The following MYO1H variants were observed in gnomAD, a reference collection of about 807,000 sequenced individuals.
The protein encoded by MYO1H is unconventional myosin-Ih.
In MYO1H, 118 loss-of-function variants were observed where a neutral mutation model predicts 149.3. That is an observed-to-expected ratio of 0.79 (90% CI 0.68 to 0.92). The LOEUF is 0.92. Ranked by LOEUF, MYO1H falls within the 40% of genes least tolerant of loss-of-function variation. MYO1H has a pLI of 0.00. For synonymous variants in MYO1H, 447 were observed against 465.2 expected (o/e 0.96, Z 0.50); for missense variants, 1,212 against 1,280.7 (o/e 0.95, Z 0.82).
At chr12:109,354,833 A>G (rs1232042273) in intron 1 of MYO1H, among the ~76,000 whole-genome samples, 3 of 152,168 alleles carry the variant, frequency 2.0e-5, no homozygotes, top group African/African-American at 7.2e-5. Flanking sequence ...AATCTTAGGG[A>G]CTAGCAGTAT....
At chr12:109,396,820 T>TG (rs1317353555) in intron 4 of MYO1H, among the ~76,000 whole-genome samples, 42 of 119,874 alleles carry the variant, frequency 3.5e-4, no homozygotes, top group African/African-American at 1.2e-3. Context: ...TTTCGTTTTT[T>TG]TTTTTTTTTT....
the MYO1H span, among the ~76,000 whole-genome samples, chr12:109,315,116 A>G: frequency 6.6e-6 from 1 of 152,080 alleles, no homozygotes; most frequent in Non-Finnish European, 1.5e-5. Flanking sequence ...ATAAAATAAA[A>G]AATATTCAGG....
intron 31 of MYO1H, chr12:109,445,971 T>G (rs766797558): frequency 1.3e-5 from 13 of 985,324 alleles, no homozygotes; most frequent in Non-Finnish European, 1.6e-5. Flanking sequence ...AATGCGCTTG[T>G]GTCCCACCCA....
intron 1 of MYO1H, among the ~76,000 whole-genome samples, chr12:109,368,584 A>T (rs969486237): frequency 7.2e-6 from 1 of 138,750 alleles, no homozygotes; most frequent in South Asian, 2.5e-4. Context: ...TGAACCCGAG[A>T]GGTGGAGGTT....
chr12:109,324,776 C>T, the MYO1H span, among the ~76,000 whole-genome samples: 1 of 151,672 alleles, frequency 6.6e-6, no homozygotes, highest in Non-Finnish European at 1.5e-5. Flanking sequence ...AATAGGTATA[C>T]ATGTGCCATG....
intron 18 of MYO1H, among the ~76,000 whole-genome samples, chr12:109,426,401 C>G (rs780684675): frequency 6.6e-6 from 1 of 152,158 alleles, no homozygotes; most frequent in Non-Finnish European, 1.5e-5. Context: ...TGGAACATGT[C>G]TGTAGTCCCA....
intron 15 of MYO1H, among the ~76,000 whole-genome samples, chr12:109,417,495 T>C (rs188819609): frequency 6.6e-6 from 1 of 151,770 alleles, no homozygotes; most frequent in Non-Finnish European, 1.5e-5. Context: ...ACCTGGATAA[T>C]TTTTTGCATT....
At chr12:109,415,569 A>G (rs1255158916) in exon 15 of MYO1H, 2 of 1,607,888 alleles carry the variant, frequency 1.2e-6, no homozygotes, top group Non-Finnish European at 1.7e-6. Flanking sequence ...GATTGGCTGG[A>G]TGGAGTTCCG....
chr12:109,419,441 T>C (rs1038139370), intron 15 of MYO1H, among the ~76,000 whole-genome samples: 8 of 152,196 alleles, frequency 5.3e-5, no homozygotes, highest in Non-Finnish European at 1.0e-4. Flanking sequence ...AATAATCTCA[T>C]GGTATATTAT....
At chr12:109,392,841 C>T (rs555589063) in intron 2 of MYO1H, among the ~76,000 whole-genome samples, 4 of 151,828 alleles carry the variant, frequency 2.6e-5, no homozygotes, top group Non-Finnish European at 4.4e-5. Context: ...GTCAGAGTCT[C>T]GCTCTGTCAC....
the MYO1H span, among the ~76,000 whole-genome samples, chr12:109,314,480 C>T: frequency 6.6e-6 from 1 of 152,162 alleles, no homozygotes; most frequent in African/African-American, 2.4e-5. Context: ...ACCACCCATT[C>T]CCTGCTGCTA....
chr12:109,421,128 A>C, intron 16 of MYO1H, 101 bp downstream of exon 16: 1 of 722,418 alleles, frequency 1.4e-6, no homozygotes, highest in Non-Finnish European at 2.3e-6. Flanking sequence ...TTTTTTTTCC[A>C]TGCATCGTAT....
rs148910601 is a variant in MYO1H, at chr12:109,442,961, G to A, written c.2689-553G>A. On this transcript the variant is annotated intron_variant, in intron 27 of 31. Coordinates refer to ENST00000310903, the Ensembl canonical transcript of MYO1H. Reference sequence around the variant, plus strand: ...TCAGAGGGCAACGCAGGTAGGCAGAGCTAGGGATCCAAATCCCCATCATGC... The same window carrying A: ...TCAGAGGGCAACGCAGGTAGGCAGAACTAGGGATCCAAATCCCCATCATGC... 8.9e-4 allele frequency among the ~76,000 whole-genome samples: 132 copies of A among 148,194 alleles called. 1 individual carries two copies. Among genetic ancestry groups the A allele is most frequent in the East Asian group, 5.3e-3 (27 of 5,050 alleles).
At chr12:109,443,740 T>TCTA in intron 28 of MYO1H, 91 bp downstream of exon 28, 1 of 1,476,856 alleles carries the variant, frequency 6.8e-7, no homozygotes, top group South Asian at 1.2e-5. Flanking sequence ...GAAACACAAG[T>TCTA]GTAGGGTGCC....
chr12:109,338,808 T>G, the MYO1H span, among the ~76,000 whole-genome samples: 1 of 151,250 alleles, frequency 6.6e-6, no homozygotes, highest in Non-Finnish European at 1.5e-5. Flanking sequence ...CCTTGCTTTC[T>G]GCTTCATTTT....
intron 6 of MYO1H, among the ~76,000 whole-genome samples, chr12:109,403,083 A>G (rs990807851): frequency 1.3e-5 from 2 of 152,180 alleles, no homozygotes; most frequent in Admixed American, 6.6e-5. Context: ...ACTGCTTTCA[A>G]ACCAACAGGT....
At chr12:109,336,534 A>G in the MYO1H span, among the ~76,000 whole-genome samples, 1 of 152,192 alleles carries the variant, frequency 6.6e-6, no homozygotes, top group Non-Finnish European at 1.5e-5. Context: ...GGTTATTCTT[A>G]GGCAGATTCT....
exon 14 of MYO1H, chr12:109,411,964 G>C: frequency 6.2e-7 from 1 of 1,600,488 alleles, no homozygotes; most frequent in Non-Finnish European, 8.5e-7. Flanking sequence ...GAGAAAGTGG[G>C]CAAACATGCA....
exon 2 of MYO1H, chr12:109,388,739 C>G (rs1022218402): frequency 2.5e-6 from 4 of 1,611,120 alleles, no homozygotes; most frequent in Non-Finnish European, 3.4e-6. Flanking sequence ...CGCTGACTGC[C>G]CGGGACAAGG....
Sources: allele counts gnomAD v4.1 joint callset (sites outside exome capture counted in the v4.1 genomes callset), GRCh38; gene constraint gnomAD v4.1.1; transcripts MANE v1.5; gene names NCBI Gene and HGNC (gene_info 2026-07-23, HGNC 2026-07-21).